CENPU: variants seen among roughly 807,000 people sequenced by gnomAD.
The protein encoded by CENPU is KSHV latent nuclear antigen interacting protein 1.
Under a neutral mutation model 56.7 loss-of-function variants are expected in CENPU, and 46 were observed. The ratio of observed to expected loss-of-function variants is 0.81; its 90% CI spans 0.64 to 1.04. The LOEUF (loss-of-function observed/expected upper bound fraction) is 1.04. CENPU is among the 50% of genes least tolerant of loss of function. The probability of loss-of-function intolerance (pLI) is 0.00; values close to 1 mark genes in which losing one functional copy is unlikely to be tolerated. For missense variants in CENPU, 510 were observed against 490.1 expected (o/e 1.04, Z -0.38); for synonymous variants, 166 against 163.0 (o/e 1.02, Z -0.14).
intron 4 of CENPU, among the ~76,000 whole-genome samples, chr4:184,723,615 G>A (rs10780069): frequency 0.18 from 26,940 of 151,886 alleles, 3,549 homozygotes; most frequent in East Asian, 0.7. Flanking sequence ...AGGCCAAGGC[G>A]GGCGGATCAC....
chr4:184,699,937 G>A (rs1240009204), intron 11 of CENPU, among the ~76,000 whole-genome samples: 2 of 152,210 alleles, frequency 1.3e-5, no homozygotes, highest in African/African-American at 2.4e-5. Flanking sequence ...GATTACAGGC[G>A]TGAGCCACCG....
intron 8 of CENPU, among the ~76,000 whole-genome samples, chr4:184,704,875 A>G (rs1246817422): frequency 1.3e-5 from 2 of 152,240 alleles, no homozygotes; most frequent in African/African-American, 4.8e-5. Context: ...CACAGTTAAC[A>G]CACAATAAAA....
intron 8 of CENPU, among the ~76,000 whole-genome samples, chr4:184,709,414 G>A (rs1760844713): frequency 6.6e-6 from 1 of 151,076 alleles, no homozygotes; most frequent in African/African-American, 2.4e-5. Flanking sequence ...TTGAACCCGG[G>A]AGGTGGAGGT....
chr4:184,711,139 C>T (rs1257269226), intron 7 of CENPU, among the ~76,000 whole-genome samples: 1 of 152,096 alleles, frequency 6.6e-6, no homozygotes, highest in Non-Finnish European at 1.5e-5. Context: ...TACGGGTGCA[C>T]CCACCATGCC....
intron 1 of CENPU, chr4:184,733,481 G>T: frequency 1.1e-6 from 1 of 899,660 alleles, no homozygotes; most frequent in Non-Finnish European, 1.3e-6. Flanking sequence ...TTTTGCAACC[G>T]ACCAAACGCT....
At chr4:184,708,724 A>T (rs1368630592) in intron 8 of CENPU, among the ~76,000 whole-genome samples, 4 of 152,226 alleles carry the variant, frequency 2.6e-5, no homozygotes, top group Non-Finnish European at 5.9e-5. Context: ...ATTCAAGGGT[A>T]TAATCAAAAT....
At chr4:184,701,872 G>A (rs538704045) in intron 10 of CENPU, among the ~76,000 whole-genome samples, 99 of 152,046 alleles carry the variant, frequency 6.5e-4, no homozygotes, top group Admixed American at 1.8e-3. Flanking sequence ...TTTGACACTC[G>A]TGCAGCCTTA....
chr4:184,705,209 G>T (rs1224212875), intron 8 of CENPU, among the ~76,000 whole-genome samples: 2 of 151,968 alleles, frequency 1.3e-5, no homozygotes, highest in Non-Finnish European at 2.9e-5. Flanking sequence ...AACAAACCAT[G>T]GTATATCCAT....
intron 4 of CENPU, among the ~76,000 whole-genome samples, chr4:184,721,898 C>T (rs932792836): frequency 6.6e-6 from 1 of 152,166 alleles, no homozygotes. Context: ...ACCAAATGGA[C>T]CTAACAGATA....
At chr4:184,700,201 G>GC (rs1474213263) in intron 11 of CENPU, among the ~76,000 whole-genome samples, 11 of 152,108 alleles carry the variant, frequency 7.2e-5, no homozygotes, top group Admixed American at 3.3e-4. Flanking sequence ...GAAACTGGGG[G>GC]CAGCCCTGGC....
At chr4:184,699,469 G>A (rs6552801) in intron 11 of CENPU, 116,031 of 781,902 alleles carry the variant, frequency 0.15, 9,407 homozygotes, top group African/African-American at 0.26. Flanking sequence ...GTTAGCATAG[G>A]AAGCGTTTAG....
chr4:184,705,470 G>C (rs1405301738), intron 8 of CENPU, among the ~76,000 whole-genome samples: 3 of 152,066 alleles, frequency 2.0e-5, no homozygotes, highest in Non-Finnish European at 4.4e-5. Flanking sequence ...GAGAACACAA[G>C]GATCCTGGAG....
At chr4:184,718,860 T>G (rs1761181701) in intron 4 of CENPU, among the ~76,000 whole-genome samples, 1 of 152,136 alleles carries the variant, frequency 6.6e-6, no homozygotes, top group Non-Finnish European at 1.5e-5. Context: ...AAGCTCAGTT[T>G]TGCCTTTGTT....
intron 7 of CENPU, among the ~76,000 whole-genome samples, chr4:184,711,757 G>C (rs1243763853): frequency 6.6e-6 from 1 of 152,092 alleles, no homozygotes; most frequent in African/African-American, 2.4e-5. Context: ...CCTACCCTAT[G>C]ACTCAGCAAT....
intron 2 of CENPU, 123 bp from the exon 3 acceptor site, chr4:184,729,158 A>T (rs2150231482): frequency 1.4e-6 from 1 of 719,064 alleles, no homozygotes; most frequent in African/African-American, 1.8e-5. Flanking sequence ...GCATGGGGTG[A>T]TGGATTCACT....
rs541240367 is a variant in CENPU, at chr4:184,712,727, A to T, written c.688+217T>A. ...TAAAATCTAGGTAGTGGGTATATGA[A>T]TATATACTATAAATTTTTTTCACCT... On this transcript the variant is annotated intron_variant, in intron 7 of 12. Transcript: ENST00000281453. 2.0e-5 allele frequency among the ~76,000 whole-genome samples: 3 copies of T among 152,328 alleles called. No individual in the cohort carries two copies. The East Asian group carries it at 5.8e-4, about 29-fold the overall frequency.
At chr4:184,697,862 G>A in intron 11 of CENPU, 59 bp from the exon 12 acceptor site, 1 of 1,382,546 alleles carries the variant, frequency 7.2e-7, no homozygotes, top group East Asian at 2.3e-5. Context: ...GTGAAACTGA[G>A]GTTGTAAGTA....
intron 2 of CENPU, 124 bp from the exon 3 acceptor site, chr4:184,729,159 T>C (rs918613739): frequency 1.4e-6 from 1 of 713,082 alleles, no homozygotes; most frequent in Non-Finnish European, 2.5e-6. Flanking sequence ...CATGGGGTGA[T>C]GGATTCACTA....
intron 3 of CENPU, among the ~76,000 whole-genome samples, chr4:184,727,632 C>T (rs1424454486): frequency 6.6e-6 from 1 of 152,152 alleles, no homozygotes; most frequent in Non-Finnish European, 1.5e-5. Flanking sequence ...TACCATAGGA[C>T]TCAGCAATTC....
Sources: allele counts gnomAD v4.1 joint callset (sites outside exome capture counted in the v4.1 genomes callset), GRCh38; gene constraint gnomAD v4.1.1; transcripts MANE v1.5; gene names NCBI Gene and HGNC (gene_info 2026-07-23, HGNC 2026-07-21).